NCOA2: variants seen among roughly 807,000 people sequenced by gnomAD.
The protein encoded by NCOA2 is nuclear receptor coactivator 2.
NCOA2 carries 21 observed loss-of-function variants against 145.1 expected under a neutral mutation model. The observed-to-expected ratio is 0.14, with a 90% CI of 0.10 to 0.21. The LOEUF (loss-of-function observed/expected upper bound fraction) is 0.21. NCOA2 is among the 10% of genes least tolerant of loss of function. The pLI, the probability that NCOA2 is intolerant of heterozygous loss-of-function variation, is 1.00. For missense variants in NCOA2, 1,472 were observed against 1,837.6 expected (o/e 0.80, Z 3.64); for synonymous variants, 619 against 637.5 (o/e 0.97, Z 0.44).
chr8:70,181,420 T>C, intron 4 of NCOA2, among the ~76,000 whole-genome samples: 1 of 152,184 alleles, frequency 6.6e-6, no homozygotes. Context: ...ATCCAAACAA[T>C]GTCACTCACT....
intron 4 of NCOA2, among the ~76,000 whole-genome samples, chr8:70,189,407 C>T (rs2133207320): frequency 6.6e-6 from 1 of 152,296 alleles, no homozygotes; most frequent in East Asian, 1.9e-4. Context: ...AGAACTCCCT[C>T]AAGATTGTCC....
chr8:70,440,766 GA>G, the NCOA2 span, among the ~76,000 whole-genome samples: 2 of 135,864 alleles, frequency 1.5e-5, no homozygotes. Context: ...AAAGAGGAAA[GA>G]AAGGAAAGAA....
intron 1 of NCOA2, among the ~76,000 whole-genome samples, chr8:70,325,417 T>C (rs985405728): frequency 6.6e-5 from 10 of 152,050 alleles, no homozygotes; most frequent in African/African-American, 2.2e-4. Flanking sequence ...ATTTAATAAA[T>C]AGAAAGTAGA....
intron 22 of NCOA2, among the ~76,000 whole-genome samples, chr8:70,118,210 A>G (rs1242390870): frequency 1.3e-5 from 2 of 152,028 alleles, no homozygotes; most frequent in East Asian, 3.9e-4. Flanking sequence ...TCCCAAATCC[A>G]TTTTTCTCCC....
intron 1 of NCOA2, among the ~76,000 whole-genome samples, chr8:70,337,055 A>G (rs540185987): frequency 1.3e-5 from 2 of 152,084 alleles, no homozygotes; most frequent in Non-Finnish European, 2.9e-5. Context: ...TTATATTTAT[A>G]AAGATGCCAT....
chr8:70,268,347 T>C (rs557228066), intron 2 of NCOA2, among the ~76,000 whole-genome samples: 2 of 152,312 alleles, frequency 1.3e-5, no homozygotes, highest in South Asian at 4.1e-4. Flanking sequence ...TAGCTTACAT[T>C]ATAGGGCTCC....
At chr8:70,353,488 G>A (rs1809424647) in intron 1 of NCOA2, among the ~76,000 whole-genome samples, 1 of 146,634 alleles carries the variant, frequency 6.8e-6, no homozygotes, top group African/African-American at 2.6e-5. Context: ...TAGCATACTA[G>A]ATGGAAAGAC....
intron 21 of NCOA2, among the ~76,000 whole-genome samples, chr8:70,122,232 T>C (rs1231935300): frequency 2.0e-5 from 3 of 152,098 alleles, no homozygotes; most frequent in Non-Finnish European, 4.4e-5. Context: ...AATAAAAGCA[T>C]AGATATCTCT....
At chr8:70,141,517 T>C (rs1013172304) in intron 13 of NCOA2, 118 bp from the exon 14 acceptor site, 12 of 941,486 alleles carry the variant, frequency 1.3e-5, no homozygotes, top group South Asian at 1.2e-4. Flanking sequence ...ACTTAGCCAA[T>C]AGCTAATGTT....
chr8:70,312,628 AAAAC>A (rs1161169965), intron 1 of NCOA2, among the ~76,000 whole-genome samples: 2 of 152,148 alleles, frequency 1.3e-5, no homozygotes, highest in African/African-American at 4.8e-5. Flanking sequence ...TCCTAAATAA[AAAAC>A]AAAATTATTA....
At chr8:70,304,471 ATTT>A (rs71558593) in intron 1 of NCOA2, among the ~76,000 whole-genome samples, 2 of 142,196 alleles carry the variant, frequency 1.4e-5, no homozygotes, top group Admixed American at 7.1e-5. Context: ...CTATATGCAT[ATTT>A]TTTTTTTTTT....
intron 1 of NCOA2, among the ~76,000 whole-genome samples, chr8:70,319,521 AAC>A (rs1208370101): frequency 3.4e-5 from 5 of 146,770 alleles, no homozygotes; most frequent in Admixed American, 1.3e-4. Flanking sequence ...TAGCATAGGC[AAC>A]AGAGACCCTG....
intron 4 of NCOA2, among the ~76,000 whole-genome samples, chr8:70,193,826 G>A (rs1372267921): frequency 6.6e-6 from 1 of 152,144 alleles, no homozygotes; most frequent in African/African-American, 2.4e-5. Flanking sequence ...AAGAAATAGA[G>A]GATACAGGCT....
rs966021261 is a variant in NCOA2 at position 70,140,099 on chromosome 8, TTTA to T, written c.3028+1082_3028+1084del. Among the ~76,000 whole-genome samples the T allele has an allele frequency of 2.8e-3, 433 of 152,312 alleles. 2 individuals are homozygous for T. The highest frequency in any genetic ancestry group is 0.01 in the African/African-American group (419 of 41,562). On this transcript the variant is annotated intron_variant, in intron 14 of 22. Coordinates refer to ENST00000452400, the MANE Select transcript of NCOA2 (RefSeq NM_006540.4). The stretch of plus-strand genomic sequence containing the variant: ...CCATTAATTTTTAAAATATAACAGC[TTTA>T]TTGAGAGATAATTCACATAACATAC...
At chr8:70,228,032 G>T (rs1176253015) in intron 2 of NCOA2, among the ~76,000 whole-genome samples, 1 of 143,982 alleles carries the variant, frequency 6.9e-6, no homozygotes, top group Admixed American at 6.9e-5. Context: ...GCCAAATTAA[G>T]CATTTTTATT....
In NCOA2 at chr8:70,403,710, C is replaced by T. The variant is rs1814609846; in HGVS notation, c.-87G>A. 5.1e-6 allele frequency: 2 copies of T among 395,424 alleles called. No individual in the cohort carries two copies. The highest frequency in any genetic ancestry group is 4.1e-5 in the African/African-American group (2 of 48,438). The allele number at this position is 395,424 out of a possible 1,614,324, so 24.5% of individuals were successfully genotyped here. A position where few individuals can be genotyped will look rare whatever the true frequency, so the allele number is the denominator to read the frequency against. On this transcript the variant is annotated 5_prime_UTR_variant, in exon 1 of 23. Transcript: ENST00000452400. ...GGAAGGCGCGGTTACCGGCTCGGGT[C>T]GGTCACGCCGTCAGGTGCCGGCTGC... is the stretch of plus-strand genomic sequence containing the variant.
chr8:70,109,793 G>A lies in NCOA2; in HGVS notation c.*3839C>T. The A allele has an allele frequency of 5.7e-6, 1 of 176,382 alleles. No individual in the cohort carries two copies. Among genetic ancestry groups the A allele is most frequent in the Non-Finnish European group, 1.2e-5 (1 of 81,874 alleles). The allele number at this position is 176,382 out of a possible 1,614,324, so 10.9% of individuals were successfully genotyped here. On this transcript the variant is annotated 3_prime_UTR_variant, in exon 23 of 23. Transcript: ENST00000452400. ...TCTCTAAAGCCATGTAAAACCCGAA[G>A]GCATTAAAATTTATTAAATGATGCA...
rs757671722 is a variant in NCOA2, at chr8:70,142,954, GT to G, written c.2813-1556del. Among the ~76,000 whole-genome samples the G allele has an allele frequency of 6.5e-3, 917 of 140,410 alleles. 5 individuals are homozygous for G. The highest frequency in any genetic ancestry group is 0.02 in the African/African-American group (791 of 38,674). 92.1% of individuals were successfully genotyped at this position (140,410 alleles called of 152,430 possible). On this transcript the variant is annotated intron_variant, in intron 13 of 22. Transcript: ENST00000452400. ...TCTCAGTCTGTGTTTTGTTTTTTTT[GT>G]TTTTTTTTTTTTGAGATGGAGTCTC... is the stretch of plus-strand genomic sequence containing the variant.
At chr8:70,315,039 C>G (rs772655331) in intron 1 of NCOA2, among the ~76,000 whole-genome samples, 6 of 152,148 alleles carry the variant, frequency 3.9e-5, no homozygotes, top group Non-Finnish European at 8.8e-5. Flanking sequence ...TTTTGACGAG[C>G]TAAGGAAGGC....
Sources: allele counts gnomAD v4.1 joint callset (sites outside exome capture counted in the v4.1 genomes callset), GRCh38; gene constraint gnomAD v4.1.1; transcripts MANE v1.5; gene names NCBI Gene and HGNC (gene_info 2026-07-23, HGNC 2026-07-21).